Variants in KSR1 observed in about 807,000 individuals in gnomAD.
KSR1 encodes the protein kinase suppressor of ras.
A neutral mutation model predicts 92.9 loss-of-function variants in KSR1; 35 were observed. The ratio of observed to expected loss-of-function variants is 0.38; its 90% confidence interval spans 0.29 to 0.50. The LOEUF is 0.50. Among genes scored for constraint, KSR1 ranks in the 20% least tolerant of loss-of-function variants. The probability of loss-of-function intolerance (pLI) is 0.94; values close to 1 mark genes in which losing one functional copy is unlikely to be tolerated. For missense variants in KSR1, 972 were observed against 1,158.5 expected (o/e 0.84, Z 2.34); for synonymous variants, 467 against 472.6 (o/e 0.99, Z 0.15).
chr17:27,471,625 T>C (rs2020010394), intron 1 of KSR1, among the ~76,000 whole-genome samples: 1 of 152,122 alleles, frequency 6.6e-6, no homozygotes, highest in Admixed American at 6.5e-5. Context: ...GGGGCTGTTT[T>C]TTCAGTGCTG....
chr17:27,592,102 C>T (rs1352432404), intron 7 of KSR1, among the ~76,000 whole-genome samples: 1 of 152,118 alleles, frequency 6.6e-6, no homozygotes, highest in African/African-American at 2.4e-5. Context: ...TGGGGCAAGT[C>T]GAAGTGGGCA....
intron 1 of KSR1, among the ~76,000 whole-genome samples, chr17:27,542,256 A>T (rs1020741385): frequency 5.9e-5 from 9 of 152,232 alleles, no homozygotes; most frequent in African/African-American, 2.2e-4. Context: ...ACAAATGAGT[A>T]TTGACATGAT....
intron 1 of KSR1, among the ~76,000 whole-genome samples, chr17:27,477,300 G>A (rs2068375809): frequency 6.6e-6 from 1 of 152,192 alleles, no homozygotes; most frequent in Non-Finnish European, 1.5e-5. Flanking sequence ...AATGCAGCCT[G>A]TTAGCTCTCA....
intron 13 of KSR1, among the ~76,000 whole-genome samples, chr17:27,605,156 A>G (rs1458113194): frequency 6.6e-6 from 1 of 152,244 alleles, no homozygotes; most frequent in Non-Finnish European, 1.5e-5. Context: ...TCTTTCCTGG[A>G]CAATTAGATG....
At chr17:27,598,785 C>G (rs558251896) in intron 10 of KSR1, among the ~76,000 whole-genome samples, 4 of 152,340 alleles carry the variant, frequency 2.6e-5, no homozygotes, top group African/African-American at 9.6e-5. Context: ...CCTTCATCGT[C>G]CCCTGCACAG....
intron 17 of KSR1, among the ~76,000 whole-genome samples, chr17:27,611,045 G>T (rs1368735722): frequency 6.6e-6 from 1 of 152,184 alleles, no homozygotes; most frequent in Non-Finnish European, 1.5e-5. Flanking sequence ...TTCCCAGTGG[G>T]GTGGCCTTGG....
chr17:27,611,454 A>G (rs1442545726), intron 17 of KSR1, 40 bp from the exon 18 acceptor site: 2 of 1,613,184 alleles, frequency 1.2e-6, no homozygotes, highest in Non-Finnish European at 1.7e-6. Flanking sequence ...AGCTGGGCAC[A>G]GCGGCCCAGG....
chr17:27,506,297 A>G (rs2069378482), intron 1 of KSR1, among the ~76,000 whole-genome samples: 1 of 152,138 alleles, frequency 6.6e-6, no homozygotes, highest in African/African-American at 2.4e-5. Flanking sequence ...GAGGAACCTC[A>G]CCCTCACTTT....
chr17:27,510,334 C>G (rs1332434911), intron 1 of KSR1, among the ~76,000 whole-genome samples: 5 of 115,582 alleles, frequency 4.3e-5, no homozygotes, highest in Non-Finnish European at 3.6e-5. Context: ...CTCAATGAGC[C>G]TCAGTTTCCC....
Position 27,597,387 on chromosome 17 carries a change from GC to G in KSR1, c.1425del (p.Asn476ThrfsTer116). 6.2e-7 allele frequency: 1 copy of G among 1,612,988 alleles called. No homozygotes were observed. Among genetic ancestry groups the G allele is most frequent in the Non-Finnish European group, 8.5e-7 (1 of 1,179,444 alleles). The part of the protein sequence containing the change: ...TSSNPSSATT[P>X]PNPSPGQRDS... Reference sequence around the variant, plus strand: ...CATCCAACCCATCCAGCGCCACCACGCCCCCCAACCCCTCACCTGGCCAGCG... The same window carrying G: ...CATCCAACCCATCCAGCGCCACCACGCCCCCAACCCCTCACCTGGCCAGCG... On this transcript the variant is annotated frameshift_variant, in exon 10 of 21. Coordinates refer to ENST00000644974, the MANE Select transcript of KSR1 (RefSeq NM_001394583.1). LOFTEE classifies it high-confidence loss of function.
In KSR1 at chr17:27,623,607, A is replaced by G. The variant is rs1375108597; in HGVS notation, c.*215A>G. 4 of 625,474 alleles carry G rather than the reference A, an allele frequency of 6.4e-6. No individual in the cohort carries two copies. In the East Asian group the frequency reaches 1.1e-4, roughly 17 times the overall value. 38.7% of individuals were successfully genotyped at this position (625,474 alleles called of 1,614,324 possible). A position where few individuals can be genotyped will look rare whatever the true frequency, so the allele number is the denominator to read the frequency against. The stretch of plus-strand genomic sequence containing the variant: ...GACACCACCAACAACCAAACCTGTC[A>G]TGACAGACAGCAAATGTTTACACGT... On this transcript the variant is annotated 3_prime_UTR_variant, in exon 21 of 21. Transcript: ENST00000644974.
intron 1 of KSR1, among the ~76,000 whole-genome samples, chr17:27,480,401 T>A (rs1423618287): frequency 6.6e-6 from 1 of 152,192 alleles, no homozygotes; most frequent in Non-Finnish European, 1.5e-5. Flanking sequence ...TTTTCTTTTC[T>A]TTTTTTAAAT....
At chr17:27,483,257 A>G (rs1175632489) in intron 1 of KSR1, among the ~76,000 whole-genome samples, 2 of 152,240 alleles carry the variant, frequency 1.3e-5, no homozygotes, top group African/African-American at 2.4e-5. Context: ...ACCAGGAAAG[A>G]GCACGTTAGA....
chr17:27,502,221 G>A (rs1478692413), intron 1 of KSR1, among the ~76,000 whole-genome samples: 6 of 152,228 alleles, frequency 3.9e-5, no homozygotes, highest in Non-Finnish European at 7.3e-5. Context: ...AAACCACTGT[G>A]GAGGGGAGAA....
At chr17:27,506,127 G>T (rs750147998) in intron 1 of KSR1, among the ~76,000 whole-genome samples, 2 of 152,190 alleles carry the variant, frequency 1.3e-5, no homozygotes, top group Admixed American at 1.3e-4. Context: ...TCTGCAGGTG[G>T]ATATGTATCT....
intron 1 of KSR1, among the ~76,000 whole-genome samples, chr17:27,463,119 G>A (rs1270943977): frequency 1.3e-5 from 2 of 152,114 alleles, no homozygotes; most frequent in African/African-American, 2.4e-5. Context: ...TATCTTTATG[G>A]CATCATAACT....
Position 27,605,803 on chromosome 17 carries a change from A to T in KSR1, c.1984A>T (p.Ile662Phe), listed in dbSNP as rs1414179659. 1 of 1,612,588 alleles carries T rather than the reference A, an allele frequency of 6.2e-7. No individual in the cohort carries two copies. Among genetic ancestry groups the T allele is most frequent in the Admixed American group, 1.7e-5 (1 of 59,986 alleles). ...GACMNPPHLA[I>F]ITSFCKGRTL... ...CTGCATGAACCCGCCCCACCTGGCC[A>T]TTATCACCAGGTAACCAAGCCCTAG... Residue 662 changes from isoleucine to phenylalanine, a missense_variant, in exon 14 of 21, where the codon ATT (isoleucine) becomes TTT (phenylalanine). Physicochemically the swap from Ile to Phe is conservative, Grantham distance 21. Transcript: ENST00000644974.
chr17:27,587,237 A>G, intron 5 of KSR1: 1 of 152,486 alleles, frequency 6.6e-6, no homozygotes. Flanking sequence ...GGAAGTTGGG[A>G]CAAGTCAACC....
At chr17:27,470,240 GTTTTTTTTT>G (rs546302787) in intron 1 of KSR1, among the ~76,000 whole-genome samples, 1 of 114,390 alleles carries the variant, frequency 8.7e-6, no homozygotes, top group East Asian at 2.4e-4. Flanking sequence ...TTTTGTTTGT[GTTTTTTTTT>G]TTTTTTTTTT....
Sources: allele counts gnomAD v4.1 joint callset (sites outside exome capture counted in the v4.1 genomes callset), GRCh38; gene constraint gnomAD v4.1.1; transcripts MANE v1.5; gene names NCBI Gene and HGNC (gene_info 2026-07-23, HGNC 2026-07-21).